Variants in ZNF718 observed in about 807,000 individuals in gnomAD.
The protein encoded by ZNF718 is zinc finger protein 718.
ZNF718 carries 3 observed loss-of-function variants against 2.6 expected under a neutral mutation model. The ratio of observed to expected loss-of-function variants is 1.16; its 90% confidence interval spans 0.53 to 3.01. ZNF718 has a LOEUF of 3.01. ZNF718 is among the 30% of genes most tolerant of loss of function. The pLI, the probability that ZNF718 is intolerant of heterozygous loss-of-function variation, is 0.03. For synonymous variants in ZNF718, 135 were observed against 77.9 expected (o/e 1.73, Z -3.86); for missense variants, 468 against 230.0 (o/e 2.03, Z -6.69).
intron 3 of ZNF718, among the ~76,000 whole-genome samples, chr4:179,538 T>C (rs1288736884): frequency 6.6e-6 from 1 of 152,202 alleles, no homozygotes. Context: ...TTTATGTCTG[T>C]GTTTGTGAAT....
At chr4:168,370 T>C (rs144759174), downstream of ZNF718, among the ~76,000 whole-genome samples, 1 of 152,082 alleles carries the variant, frequency 6.6e-6, no homozygotes, top group African/African-American at 2.4e-5. Flanking sequence ...CTCATAAAAT[T>C]TAGTTAGGGA....
In ZNF718 at chr4:131,499, C is replaced by A; in HGVS notation, c.220C>A (p.Pro74Thr). The A allele has an allele frequency of 4.3e-6, 2 of 460,162 alleles. No individual in the cohort carries two copies. The highest frequency in any genetic ancestry group is 7.0e-6 in the Non-Finnish European group (2 of 285,440). The allele number at this position is 460,162 out of a possible 1,614,324, so 28.5% of individuals were successfully genotyped here. Residue 74 changes from proline to threonine, a missense_variant, in exon 3 of 4, where the codon CCC becomes ACC. Transcript: ENST00000510175. ...NLKIHETAAR[P>T]PAVCSHFTQN... is the part of the protein sequence containing the mutation. ...GAAGATACATGAAACAGCAGCCAGA[C>A]CCCCAGGTAGGTGAGAGTGAATGGA...
downstream of ZNF718, among the ~76,000 whole-genome samples, chr4:166,767 G>T (rs1240884612): frequency 6.6e-6 from 1 of 152,066 alleles, no homozygotes; most frequent in Non-Finnish European, 1.5e-5. Context: ...TGTCAGATGG[G>T]TAGATTGCAA....
intron 3 of ZNF718, among the ~76,000 whole-genome samples, chr4:154,996 A>G (rs932224151): frequency 6.6e-6 from 1 of 152,154 alleles, no homozygotes; most frequent in Non-Finnish European, 1.5e-5. Context: ...TACTCTACCC[A>G]TAGCTAAACA....
At chr4:141,873 A>G (rs1715826663) in intron 3 of ZNF718, among the ~76,000 whole-genome samples, 1 of 152,206 alleles carries the variant, frequency 6.6e-6, no homozygotes, top group Non-Finnish European at 1.5e-5. Context: ...GGGCCATTTA[A>G]ACATTTTATA....
At chr4:176,650 C>T (rs1255792059) in intron 3 of ZNF718, among the ~76,000 whole-genome samples, 4 of 152,192 alleles carry the variant, frequency 2.6e-5, no homozygotes, top group African/African-American at 9.6e-5. Context: ...AATTCTACCT[C>T]AATCACTCTT....
intron 3 of ZNF718, among the ~76,000 whole-genome samples, chr4:155,843 T>G (rs1716543795): frequency 6.6e-6 from 1 of 152,160 alleles, no homozygotes; most frequent in Admixed American, 6.5e-5. Flanking sequence ...GGTTTGGCTG[T>G]GTCTTCAGCC....
chr4:142,729 T>G (rs1160543184), intron 3 of ZNF718, among the ~76,000 whole-genome samples: 1 of 152,236 alleles, frequency 6.6e-6, no homozygotes, highest in Non-Finnish European at 1.5e-5. Flanking sequence ...CCTGTGCAGC[T>G]GCTGGCACTT....
chr4:181,158 C>CTTTTTTTT (rs782164295), intron 3 of ZNF718, among the ~76,000 whole-genome samples: 2 of 51,086 alleles, frequency 3.9e-5, no homozygotes, highest in Non-Finnish European at 7.5e-5. Flanking sequence ...CAGTGCCCAG[C>CTTTTTTTT]TTTTTTTTTT....
chr4:152,628 A>G (rs1716378155), intron 3 of ZNF718, among the ~76,000 whole-genome samples: 1 of 152,022 alleles, frequency 6.6e-6, no homozygotes, highest in Non-Finnish European at 1.5e-5. Flanking sequence ...TTTTCTTAGT[A>G]CATAACAAAA....
downstream of ZNF718, among the ~76,000 whole-genome samples, chr4:166,903 GT>G (rs202094350): frequency 0.14 from 21,193 of 152,168 alleles, 1,957 homozygotes; most frequent in Admixed American, 0.24. Flanking sequence ...TGTCTTTGGT[GT>G]TTTAGACATG....
chr4:176,377 C>T (rs1717346430), intron 3 of ZNF718, among the ~76,000 whole-genome samples: 1 of 152,062 alleles, frequency 6.6e-6, no homozygotes, highest in South Asian at 2.1e-4. Context: ...TTTCTTAAGC[C>T]CAACCCCATT....
At chr4:201,462 A>G (rs1553822776) in intron 4 of ZNF718, 1 of 152,800 alleles carries the variant, frequency 6.5e-6, no homozygotes, top group Non-Finnish European at 1.5e-5. Flanking sequence ...TAATAAGTCA[A>G]GATGTTGTGT....
rs1409838747 is a variant in ZNF718, at chr4:125,534, A to C, written c.3+861A>C. Among the ~76,000 whole-genome samples, 7 of 152,156 alleles carry C rather than the reference A, an allele frequency of 4.6e-5. No individual in the cohort carries two copies. In the South Asian group the frequency reaches 1.0e-3, roughly 23 times the overall value. Reference sequence around the variant, plus strand: ...TGACTGGTGTTGAGGAAACTCCGCAAGTTTTCTGTCAGAAGAAAGACATGG... The same window carrying C: ...TGACTGGTGTTGAGGAAACTCCGCACGTTTTCTGTCAGAAGAAAGACATGG... On this transcript the variant is annotated intron_variant, in intron 1 of 3. Transcript: ENST00000510175.
chr4:124,759 A>C, intron 1 of ZNF718, 86 bp downstream of exon 1: 1 of 1,557,848 alleles, frequency 6.4e-7, no homozygotes, highest in Non-Finnish European at 8.7e-7. Context: ...GAGTCTGTGA[A>C]TGGAGTTCCC....
chr4:196,566 G>A (rs2108818333), intron 3 of ZNF718, among the ~76,000 whole-genome samples: 1 of 152,292 alleles, frequency 6.6e-6, no homozygotes, highest in South Asian at 2.1e-4. Context: ...CAGGAGGTAT[G>A]GGTCAGAAGG....
intron 3 of ZNF718, among the ~76,000 whole-genome samples, chr4:133,194 AAAT>A (rs1396888571): frequency 1.2e-3 from 25 of 20,490 alleles, no homozygotes; most frequent in East Asian, 4.6e-3. Flanking sequence ...AAAAAAAAAA[AAAT>A]ATATATATAT....
chr4:152,787 TTA>T (rs1716384537), intron 3 of ZNF718, among the ~76,000 whole-genome samples: 1 of 152,102 alleles, frequency 6.6e-6, no homozygotes, highest in African/African-American at 2.4e-5. Context: ...TTTTAAATTG[TTA>T]TTTTTGTTTT....
chr4:157,336 G>C (rs1716620195), intron 3 of ZNF718, among the ~76,000 whole-genome samples: 1 of 151,716 alleles, frequency 6.6e-6, no homozygotes, highest in South Asian at 2.1e-4. Flanking sequence ...CTGGTCTTGA[G>C]CTCCCAACCT....
Sources: allele counts gnomAD v4.1 joint callset (sites outside exome capture counted in the v4.1 genomes callset), GRCh38; gene constraint gnomAD v4.1.1; transcripts MANE v1.5; gene names NCBI Gene and HGNC (gene_info 2026-07-23, HGNC 2026-07-21).